The following SEPTIN9 variants were observed in gnomAD, a reference collection of about 807,000 sequenced individuals.
The protein encoded by SEPTIN9 is septin-9.
A neutral mutation model predicts 56.6 loss-of-function variants in SEPTIN9; 13 were observed. The ratio of observed to expected loss-of-function variants is 0.23; its 90% confidence interval spans 0.15 to 0.37. The LOEUF is 0.37. SEPTIN9 is among the 10% of genes least tolerant of loss of function. The probability of loss-of-function intolerance (pLI) is 1.00; values close to 1 mark genes in which losing one functional copy is unlikely to be tolerated. For missense variants in SEPTIN9, 650 were observed against 823.1 expected (o/e 0.79, Z 2.57); for synonymous variants, 332 against 334.1 (o/e 0.99, Z 0.07).
chr17:77,301,186 A>G (rs1372599571), intron 1 of SEPTIN9, among the ~76,000 whole-genome samples: 4 of 152,042 alleles, frequency 2.6e-5, no homozygotes, highest in Non-Finnish European at 5.9e-5. Context: ...TCCATGACCC[A>G]CCTTTCCCCA....
chr17:77,286,790 C>G (rs974574008), intron 1 of SEPTIN9, among the ~76,000 whole-genome samples: 2 of 152,322 alleles, frequency 1.3e-5, no homozygotes, highest in South Asian at 2.1e-4. Flanking sequence ...AGTGCAGGCC[C>G]GGCCAGGGGG....
rs1002600770 is a variant in SEPTIN9, at chr17:77,402,659, A to G, written c.677A>G (p.Lys226Arg). 1.9e-6 allele frequency: 3 copies of G among 1,609,536 alleles called. No homozygotes were observed. Among genetic ancestry groups the G allele is most frequent in the Admixed American group, 1.7e-5 (1 of 59,462 alleles). ...CAGCTGCAGAGCAGGCTGGAGCCCA[A>G]GCCCCAGCCCCCTGTGGCTGAGGCT... ...VSQLQSRLEP[K>R]PQPPVAEATP... Residue 226 changes from lysine (K) to arginine (R), a missense_variant, in exon 3 of 12, where the codon AAG (lysine) becomes AGG (arginine). Lys to Arg is a conservative substitution (Grantham distance 26). Around this residue, in one of 2 missense-constraint regions of SEPTIN9, gnomAD observed 317 missense variants for 329.1 expected, o/e 0.96. Coordinates refer to ENST00000427177, the MANE Select transcript of SEPTIN9 (RefSeq NM_001113491.2). This position sits in a 1 kb window ranked among gnomAD's most constrained non-coding sequence, Gnocchi z 6.6.
intron 3 of SEPTIN9, among the ~76,000 whole-genome samples, chr17:77,417,437 A>G (rs1457162793): frequency 2.0e-5 from 3 of 152,210 alleles, no homozygotes; most frequent in Non-Finnish European, 4.4e-5. Flanking sequence ...GCCCTTGCAC[A>G]TAGAAAATGT....
Position 77,463,540 on chromosome 17 carries a change from T to TA in SEPTIN9, c.722-18595dup, listed in dbSNP as rs199897311. ...CCATTTTTAGTAGTGGTATTTCCTT[T>TA]AAAAAAAAATGGTAATTCTCAGCTG... On this transcript the variant is annotated intron_variant, in intron 3 of 11. Transcript: ENST00000427177. Among the ~76,000 whole-genome samples the TA allele has an allele frequency of 8.6e-3, 1,297 of 151,496 alleles. 11 individuals are homozygous for TA. Among genetic ancestry groups the TA allele is most frequent in the Admixed American group, 0.023 (352 of 15,200 alleles).
rs1461269917 is a variant in SEPTIN9 at position 77,367,204 on chromosome 17, A to C, written c.77-34855A>C. Reference sequence around the variant, plus strand: ...ACAGCCTGGTGGCTGCTCCCAGTACAGGTGATGTAAAGAGAGAAGGGGTTC... The same window carrying C: ...ACAGCCTGGTGGCTGCTCCCAGTACCGGTGATGTAAAGAGAGAAGGGGTTC... On this transcript the variant is annotated intron_variant, in intron 2 of 11. Transcript: ENST00000427177. The surrounding 1 kb of genome is among the most constrained non-coding windows in gnomAD (Gnocchi z 4.5). Among the ~76,000 whole-genome samples, 1 of 152,220 alleles carries C rather than the reference A, an allele frequency of 6.6e-6. No individual in the cohort carries two copies. Among genetic ancestry groups the C allele is most frequent in the African/African-American group, 2.4e-5 (1 of 41,466 alleles).
chr17:77,370,995 C>T (rs1318471316), intron 2 of SEPTIN9, among the ~76,000 whole-genome samples: 1 of 152,130 alleles, frequency 6.6e-6, no homozygotes, highest in Non-Finnish European at 1.5e-5. Flanking sequence ...GGGTGGTGCC[C>T]AGCTGTTTCC....
At chr17:77,359,714 T>C (rs974979435) in intron 2 of SEPTIN9, among the ~76,000 whole-genome samples, 1 of 152,140 alleles carries the variant, frequency 6.6e-6, no homozygotes, top group Non-Finnish European at 1.5e-5. Context: ...GAGGATCGCT[T>C]GGGCCTAGGA....
intron 4 of SEPTIN9, chr17:77,482,805 C>T (rs948757930): frequency 1.9e-6 from 1 of 539,500 alleles, no homozygotes; most frequent in Non-Finnish European, 3.3e-6. Context: ...CCCCTGGTGG[C>T]CCCGGAGAGC....
intron 1 of SEPTIN9, among the ~76,000 whole-genome samples, chr17:77,283,729 C>T (rs534221907): frequency 6.6e-6 from 1 of 152,252 alleles, no homozygotes; most frequent in Admixed American, 6.5e-5. Flanking sequence ...ATTCGTGAGC[C>T]TCTGAAAAGG....
At chr17:77,430,996 A>G (rs1326343155) in intron 3 of SEPTIN9, among the ~76,000 whole-genome samples, 3 of 149,708 alleles carry the variant, frequency 2.0e-5, no homozygotes, top group Non-Finnish European at 4.4e-5. Flanking sequence ...GTATCAAAAA[A>G]AAAAAAAAGA....
intron 2 of SEPTIN9, among the ~76,000 whole-genome samples, chr17:77,336,033 G>A (rs889784028): frequency 1.2e-4 from 4 of 34,644 alleles, no homozygotes; most frequent in Admixed American, 3.4e-4. Flanking sequence ...TATGTTGACT[G>A]TATATGTGGT....
chr17:77,434,392 G>T lies in SEPTIN9; in HGVS notation c.721+31689G>T, dbSNP rs1292779716. 1.3e-5 allele frequency among the ~76,000 whole-genome samples: 2 copies of T among 152,202 alleles called. No individual in the cohort carries two copies. The highest frequency in any genetic ancestry group is 4.8e-5 in the African/African-American group (2 of 41,452). Reference sequence around the variant, plus strand: ...CAGGGTCTGCTGGTGGGTGGCTGAGGCTGCGGTGAGGTCTCCATGGCTCCC... The same window carrying T: ...CAGGGTCTGCTGGTGGGTGGCTGAGTCTGCGGTGAGGTCTCCATGGCTCCC... On this transcript the variant is annotated intron_variant, in intron 3 of 11. Coordinates refer to ENST00000427177, the MANE Select transcript of SEPTIN9 (RefSeq NM_001113491.2). This position sits in a 1 kb window ranked among gnomAD's most constrained non-coding sequence, Gnocchi z 5.0.
chr17:77,418,742 C>T (rs2036591118), intron 3 of SEPTIN9, among the ~76,000 whole-genome samples: 1 of 152,230 alleles, frequency 6.6e-6, no homozygotes, highest in South Asian at 2.1e-4. Context: ...GCAAAGCCAC[C>T]CTCCCCTCGG....
At chr17:77,294,589 C>CT (rs60053451) in intron 1 of SEPTIN9, 25 of 160,504 alleles carry the variant, frequency 1.6e-4, no homozygotes, top group Middle Eastern at 2.8e-3. Flanking sequence ...CTGTTTTTTT[C>CT]TTTTTTTTTA....
rs1469286147 is a variant in SEPTIN9 at position 77,310,717 on chromosome 17, CCT to C, written c.76+3525_76+3526del. Among the ~76,000 whole-genome samples the C allele has an allele frequency of 6.6e-6, 1 of 152,174 alleles. No individual in the cohort carries two copies. The highest frequency in any genetic ancestry group is 1.5e-5 in the Non-Finnish European group (1 of 68,026). ...TCATTTTCTGTGCCTCAGGCAGCCG[CCT>C]CTCTGACTGAGCGTCCAGCGGACTT... On this transcript the variant is annotated intron_variant, in intron 2 of 11. Transcript: ENST00000427177. This position sits in a 1 kb window ranked among gnomAD's most constrained non-coding sequence, Gnocchi z 4.7.
At position 77,287,623 on chromosome 17, in the gene SEPTIN9, TC is replaced by T. The variant is rs1415408125; in HGVS notation, c.19+6070del. ...GGCACTCTCTGCTCCCAGCCCAGTT[TC>T]TCTCTGCTTTATCTCCCTGACCCCA... On this transcript the variant is annotated intron_variant, in intron 1 of 11. Transcript: ENST00000427177. Among the ~76,000 whole-genome samples the T allele has an allele frequency of 2.0e-5, 3 of 152,212 alleles. No homozygotes were observed. The East Asian group carries it at 5.8e-4, about 29-fold the overall frequency.
At chr17:77,309,872 C>T (rs9891512) in intron 2 of SEPTIN9, among the ~76,000 whole-genome samples, 35,047 of 152,202 alleles carry the variant, frequency 0.23, 4,714 homozygotes, top group Middle Eastern at 0.33. Context: ...GGGTGACCTT[C>T]TCCATCCTAG....
Position 77,475,195 on chromosome 17 carries a change from C to T in SEPTIN9, c.722-6949C>T. Reference sequence around the variant, plus strand: ...GGATGAGGTGTCTGGCTTCACAAACCCTGTGTGGGGGGGTTGTGGTGAGAG... The same window carrying T: ...GGATGAGGTGTCTGGCTTCACAAACTCTGTGTGGGGGGGTTGTGGTGAGAG... On this transcript the variant is annotated intron_variant, in intron 3 of 11. Transcript: ENST00000427177. The surrounding 1 kb of genome is among the most constrained non-coding windows in gnomAD (Gnocchi z 4.6). 8.3e-7 allele frequency: 1 copy of T among 1,207,326 alleles called. No individual in the cohort carries two copies. Among genetic ancestry groups the T allele is most frequent in the Non-Finnish European group, 1.0e-6 (1 of 966,384 alleles). The allele number at this position is 1,207,326 out of a possible 1,614,324, so 74.8% of individuals were successfully genotyped here.
intron 4 of SEPTIN9, among the ~76,000 whole-genome samples, chr17:77,485,158 A>ATTGTGATGGGG (rs2039703184): frequency 2.4e-4 from 1 of 4,138 alleles, no homozygotes; most frequent in Non-Finnish European, 7.3e-4. Context: ...GATGGGGGTG[A>ATTGTGATGGGG]TGATGGTAAT....
Sources: gnomAD v4.1 joint callset for allele counts (sites outside exome capture counted in the v4.1 genomes callset) on GRCh38, gnomAD v4.1.1 for gene constraint, gnomAD v4.1.1 regional missense constraint, Gnocchi (gnomAD v3.1) non-coding constraint, MANE v1.5 for transcripts, NCBI Gene and HGNC (gene_info 2026-07-23, HGNC 2026-07-21) for gene names.